Variants in ZBTB20 observed in about 807,000 individuals in gnomAD.
ZBTB20 encodes the protein zinc finger and BTB domain containing 20, also known as zinc finger and BTB domain-containing protein 20.
ZBTB20 carries 9 observed loss-of-function variants against 56.9 expected under a neutral mutation model. That is an observed-to-expected ratio of 0.16 (90% CI 0.10 to 0.28). ZBTB20 has a LOEUF of 0.28. Among genes scored for constraint, ZBTB20 ranks in the 10% least tolerant of loss-of-function variants. The pLI, the probability that ZBTB20 is intolerant of heterozygous loss-of-function variation, is 1.00. For synonymous variants in ZBTB20, 417 were observed against 420.7 expected, an observed-to-expected ratio of 0.99 and a Z score of 0.11; for missense variants, 655 against 1,003.0, an observed-to-expected ratio of 0.65 and a Z score of 4.69.
rs774620088 is a variant in ZBTB20 at position 114,325,370 on chromosome 3, G to A, written c.*13635C>T. ...TCCCCTAGTTGTGAACATGCATAAA[G>A]CACTTTGAACTACAGGAAAATCTTA... On this transcript the variant is annotated 3_prime_UTR_variant, in exon 12 of 12. Coordinates refer to ENST00000675478, the MANE Select transcript of ZBTB20 (RefSeq NM_001348800.3). 8 of 152,062 alleles carry A rather than the reference G, an allele frequency of 5.3e-5. No homozygotes were observed. The highest frequency in any genetic ancestry group is 1.9e-4 in the African/African-American group (8 of 41,406). The allele number at this position is 152,062 out of a possible 1,614,324, so 9.4% of individuals were successfully genotyped here.
chr3:114,874,571 C>T lies in ZBTB20; in HGVS notation c.-417+25733G>A, dbSNP rs996656928. Among the ~76,000 whole-genome samples, 11 of 152,266 alleles carry T rather than the reference C, an allele frequency of 7.2e-5. No individual in the cohort carries two copies. In the South Asian group the frequency reaches 8.3e-4, roughly 11 times the overall value. On this transcript the variant is annotated intron_variant, in intron 4 of 11. Transcript: ENST00000675478. ...TACATAAAACCCTTATTGTCATATT[C>T]GTCATCACCACTCTCAATAGAGACC...
intron 2 of ZBTB20, among the ~76,000 whole-genome samples, chr3:115,051,132 A>C (rs1247480575): frequency 6.6e-6 from 1 of 152,078 alleles, no homozygotes; most frequent in African/African-American, 2.4e-5. Flanking sequence ...ACATTCATTC[A>C]ATAATTCATT....
At chr3:114,904,652 C>A (rs1237195741) in intron 3 of ZBTB20, among the ~76,000 whole-genome samples, 1 of 151,780 alleles carries the variant, frequency 6.6e-6, no homozygotes, top group Non-Finnish European at 1.5e-5. Flanking sequence ...AACAGAAAGT[C>A]CTATGAAGAG....
chr3:114,857,359 G>A (rs989422753), intron 4 of ZBTB20, among the ~76,000 whole-genome samples: 10 of 152,082 alleles, frequency 6.6e-5, no homozygotes, highest in Non-Finnish European at 1.0e-4. Flanking sequence ...TATCTGGCAC[G>A]GTAAAACACT....
intron 4 of ZBTB20, among the ~76,000 whole-genome samples, chr3:114,848,210 T>A (rs903488488): frequency 2.0e-5 from 3 of 152,122 alleles, no homozygotes; most frequent in Non-Finnish European, 4.4e-5. Flanking sequence ...GATGCCTCCA[T>A]GCCACCACCA....
intron 4 of ZBTB20, among the ~76,000 whole-genome samples, chr3:114,852,317 G>GCAGTGGTAC (rs1347610243): frequency 1.3e-5 from 2 of 151,952 alleles, no homozygotes. Context: ...TAGCTGGAGT[G>GCAGTGGTAC]CAGTGGTACA....
intron 7 of ZBTB20, among the ~76,000 whole-genome samples, chr3:114,418,265 G>C (rs1225675237): frequency 6.6e-6 from 1 of 152,002 alleles, no homozygotes; most frequent in Non-Finnish European, 1.5e-5. Context: ...AGAAATCTAA[G>C]TACAACTAAA....
At chr3:114,379,684 G>A (rs942394000) in intron 10 of ZBTB20, among the ~76,000 whole-genome samples, 1 of 152,070 alleles carries the variant, frequency 6.6e-6, no homozygotes, top group African/African-American at 2.4e-5. Flanking sequence ...CTGAATTCTT[G>A]GAAGCCATTC....
At chr3:114,874,553 A>G (rs2076123559) in intron 4 of ZBTB20, among the ~76,000 whole-genome samples, 1 of 152,174 alleles carries the variant, frequency 6.6e-6, no homozygotes, top group Admixed American at 6.5e-5. Flanking sequence ...TATTACATAA[A>G]ACCCTTATTG....
chr3:114,564,708 A>G (rs1172618077), intron 6 of ZBTB20, among the ~76,000 whole-genome samples: 9 of 152,218 alleles, frequency 5.9e-5, no homozygotes, highest in Non-Finnish European at 1.0e-4. Flanking sequence ...TGCTTTCTGC[A>G]CTTCCTTCTC....
chr3:114,738,059 T>C (rs925709414), intron 5 of ZBTB20, among the ~76,000 whole-genome samples: 1 of 152,114 alleles, frequency 6.6e-6, no homozygotes, highest in Non-Finnish European at 1.5e-5. Flanking sequence ...ACAGTGAATA[T>C]AGCCACTAGG....
intron 4 of ZBTB20, among the ~76,000 whole-genome samples, chr3:114,880,903 A>G (rs2076373600): frequency 6.6e-6 from 1 of 152,122 alleles, no homozygotes; most frequent in African/African-American, 2.4e-5. Context: ...TTTAAGTGGT[A>G]ATAGTAATAT....
intron 6 of ZBTB20, among the ~76,000 whole-genome samples, chr3:114,631,379 A>ATTATTT (rs1479430066): frequency 4.5e-5 from 1 of 22,380 alleles, no homozygotes; most frequent in Non-Finnish European, 1.1e-4. Flanking sequence ...TAAATAGGTT[A>ATTATTT]TTCTTTTTTT....
intron 11 of ZBTB20, among the ~76,000 whole-genome samples, chr3:114,343,631 T>A (rs550615563): frequency 9.9e-5 from 15 of 152,260 alleles, no homozygotes; most frequent in Middle Eastern, 3.4e-3. Context: ...ATGGGGAACA[T>A]CAAGACACGA....
chr3:114,990,299 GT>G (rs2078744659), intron 2 of ZBTB20, among the ~76,000 whole-genome samples: 1 of 152,108 alleles, frequency 6.6e-6, no homozygotes, highest in South Asian at 2.1e-4. Context: ...TTTATTGAGA[GT>G]TTTTAGCATG....
chr3:115,008,383 G>A (rs2079561170), intron 2 of ZBTB20, among the ~76,000 whole-genome samples: 1 of 151,796 alleles, frequency 6.6e-6, no homozygotes, highest in Non-Finnish European at 1.5e-5. Context: ...AGGGTTAAAG[G>A]CAGGGCTAGG....
chr3:114,385,639 C>T (rs548012937), intron 8 of ZBTB20, among the ~76,000 whole-genome samples: 18 of 152,174 alleles, frequency 1.2e-4, no homozygotes, highest in African/African-American at 1.9e-4. Flanking sequence ...GAAGTCGAGG[C>T]GGGCGGATCA....
chr3:115,033,764 A>G (rs1206502872), intron 2 of ZBTB20, among the ~76,000 whole-genome samples: 1 of 151,772 alleles, frequency 6.6e-6, no homozygotes, highest in Admixed American at 6.6e-5. Flanking sequence ...GGCCTGTATT[A>G]CCCTGATGCC....
At chr3:114,833,855 T>C (rs745334739) in intron 4 of ZBTB20, among the ~76,000 whole-genome samples, 1 of 151,986 alleles carries the variant, frequency 6.6e-6, no homozygotes, top group Non-Finnish European at 1.5e-5. Context: ...ATAGGTAATA[T>C]TAACACCATT....
Sources: gnomAD v4.1 joint callset for allele counts (sites outside exome capture counted in the v4.1 genomes callset) on GRCh38, gnomAD v4.1.1 for gene constraint, MANE v1.5 for transcripts, NCBI Gene and HGNC (gene_info 2026-07-23, HGNC 2026-07-21) for gene names.